Variants in TMIGD3 observed in about 807,000 individuals in gnomAD.
The protein encoded by TMIGD3 is AD026 protein (AD026).
TMIGD3 carries 21 observed loss-of-function variants against 28.1 expected under a neutral mutation model. The ratio of observed to expected loss-of-function variants is 0.75; its 90% CI spans 0.53 to 1.08. The LOEUF (loss-of-function observed/expected upper bound fraction) is 1.08. TMIGD3 is among the 50% of genes least tolerant of loss of function. The probability of loss-of-function intolerance (pLI) is 0.00; values close to 1 mark genes in which losing one functional copy is unlikely to be tolerated. For missense variants in TMIGD3, 416 were observed against 435.6 expected, an observed-to-expected ratio of 0.96 and a Z score of 0.40; for synonymous variants, 151 against 162.1, an observed-to-expected ratio of 0.93 and a Z score of 0.52.
chr1:111,506,712 A>G (rs1655501849), upstream of TMIGD3, among the ~76,000 whole-genome samples: 1 of 152,050 alleles, frequency 6.6e-6, no homozygotes, highest in African/African-American at 2.4e-5. Flanking sequence ...CACCAAGACT[A>G]TGGGCACAAA....
rs200820814 is a variant in TMIGD3 at position 111,483,753 on chromosome 1, G to C, written c.978C>G (p.Gly326=). The change falls in exon 6 of 6, where the codon GGC becomes GGG. Residue 326 remains glycine, a synonymous_variant. Coordinates refer to ENST00000369716, the MANE Select transcript of TMIGD3 (RefSeq NM_020683.7). ...RRRSQRNRRV[G]NTLKPFSRVL... The stretch of plus-strand genomic sequence containing the variant: ...CACGCGAGAAGGGCTTCAAAGTGTT[G>C]CCTACTTTGTTGGGGAATAGAAAGG... 3.0e-5 allele frequency: 48 copies of C among 1,613,614 alleles called. No homozygotes were observed. The South Asian group carries it at 4.6e-4, about 16-fold the overall frequency.
chr1:111,490,796 T>C (rs769286359), intron 1 of TMIGD3, 34 bp from the exon 2 acceptor site: 84 of 1,518,456 alleles, frequency 5.5e-5, no homozygotes, highest in African/African-American at 6.9e-5. Flanking sequence ...TTGAGCTTAA[T>C]ATGGCTTTAT....
upstream of TMIGD3, among the ~76,000 whole-genome samples, chr1:111,507,813 G>A (rs537624268): frequency 9.2e-5 from 14 of 152,334 alleles, no homozygotes; most frequent in African/African-American, 3.1e-4. Context: ...TTTGCTAGCC[G>A]ACAGCTGAGG....
chr1:111,516,433 T>C (rs367569195), intron 1 of TMIGD3, among the ~76,000 whole-genome samples: 138 of 152,282 alleles, frequency 9.1e-4, no homozygotes, highest in African/African-American at 3.2e-3. Flanking sequence ...AGCAAACCAC[T>C]GCCAAGACCC....
At chr1:111,535,044 A>G (rs1395472623) in intron 1 of TMIGD3, among the ~76,000 whole-genome samples, 1 of 152,248 alleles carries the variant, frequency 6.6e-6, no homozygotes, top group Non-Finnish European at 1.5e-5. Context: ...GCCTAGTTCA[A>G]CTACCTATCA....
At chr1:111,562,549 G>A (rs1657781444) in intron 1 of TMIGD3, among the ~76,000 whole-genome samples, 1 of 152,216 alleles carries the variant, frequency 6.6e-6, no homozygotes, top group Non-Finnish European at 1.5e-5. Context: ...AGTGGAAAAT[G>A]TCCTAGAAAA....
intron 1 of TMIGD3, among the ~76,000 whole-genome samples, chr1:111,561,533 G>A (rs1362284429): frequency 6.6e-6 from 1 of 152,060 alleles, no homozygotes; most frequent in African/African-American, 2.4e-5. Flanking sequence ...GAAGGGAGGA[G>A]GAAATACAGA....
At chr1:111,521,585 C>G (rs1656061784) in intron 1 of TMIGD3, among the ~76,000 whole-genome samples, 1 of 152,130 alleles carries the variant, frequency 6.6e-6, no homozygotes, top group Non-Finnish European at 1.5e-5. Flanking sequence ...GGTGAAGTAA[C>G]TATTAAATTT....
Position 111,489,032 on chromosome 1 carries a change from A to AACAC in TMIGD3, c.458-12_458-9dup, listed in dbSNP as rs10602160. On this transcript the variant is annotated splice_polypyrimidine_tract_variant and intron_variant, in intron 2 of 5. Transcript: ENST00000369716. ...CATCCATGACCATGGCATCTGTGAA[A>AACAC]ACACACACACACACGCACACGTGCA... The AACAC allele has an allele frequency of 2.5e-6, 4 of 1,596,206 alleles. No homozygotes were observed. In the East Asian group the frequency reaches 9.0e-5, roughly 36 times the overall value.
intron 1 of TMIGD3, among the ~76,000 whole-genome samples, chr1:111,512,346 T>A (rs1557830183): frequency 3.3e-5 from 5 of 152,242 alleles, no homozygotes; most frequent in Non-Finnish European, 5.9e-5. Flanking sequence ...TCACTGGGCA[T>A]CAGGCCCGCC....
chr1:111,546,995 A>C (rs1464711866), intron 1 of TMIGD3, among the ~76,000 whole-genome samples: 6 of 152,258 alleles, frequency 3.9e-5, no homozygotes, highest in African/African-American at 1.4e-4. Context: ...TGTAAAGTGG[A>C]ACAATGCCCA....
intron 1 of TMIGD3, among the ~76,000 whole-genome samples, chr1:111,560,858 C>T (rs13376212): frequency 6.6e-6 from 1 of 152,046 alleles, no homozygotes; most frequent in East Asian, 1.9e-4. Flanking sequence ...TCTCCATCCT[C>T]CCAAATCCTT....
At chr1:111,522,418 T>C (rs914616765) in intron 1 of TMIGD3, among the ~76,000 whole-genome samples, 2 of 152,208 alleles carry the variant, frequency 1.3e-5, no homozygotes, top group Non-Finnish European at 2.9e-5. Flanking sequence ...CTCTCCACTT[T>C]ATTTGTCGTT....
chr1:111,498,233 G>A (rs912451064), intron 1 of TMIGD3, among the ~76,000 whole-genome samples: 2 of 152,194 alleles, frequency 1.3e-5, no homozygotes, highest in Non-Finnish European at 2.9e-5. Flanking sequence ...TTTCAGATAC[G>A]CTTACCCACT....
At chr1:111,485,617 A>G (rs1481602314) in intron 5 of TMIGD3, 123 bp downstream of exon 5, 5 of 718,246 alleles carry the variant, frequency 7.0e-6, no homozygotes, top group Admixed American at 5.7e-5. Context: ...GGCTGGCTGC[A>G]TTGGTCTCCA....
At position 111,503,318 on chromosome 1, in the gene TMIGD3, C is replaced by G; in HGVS notation, c.37G>C (p.Val13Leu). ...AAAATTTCCATGGTGATGTAGGTAA[C>G]ATTGGCCAATGACAGAGCAGTGCTG... ...NNSTALSLAN[V>L]TYITMEIFIG... Residue 13 changes from valine to leucine, a missense_variant, in exon 1 of 6, where the codon GTT (valine) becomes CTT (leucine). Physicochemically the swap from Val to Leu is conservative, Grantham distance 32. Coordinates refer to ENST00000369716, the MANE Select transcript of TMIGD3 (RefSeq NM_020683.7). 1.2e-6 allele frequency: 2 copies of G among 1,614,002 alleles called. No homozygotes were observed. Among genetic ancestry groups the G allele is most frequent in the Non-Finnish European group, 1.7e-6 (2 of 1,179,954 alleles).
chr1:111,526,586 C>T (rs1656270040), intron 1 of TMIGD3, among the ~76,000 whole-genome samples: 8 of 152,170 alleles, frequency 5.3e-5, no homozygotes. Context: ...CTAAAACACT[C>T]TCCCATGAGA....
At chr1:111,543,346 A>G (rs960153371) in intron 1 of TMIGD3, among the ~76,000 whole-genome samples, 2 of 152,074 alleles carry the variant, frequency 1.3e-5, no homozygotes, top group Non-Finnish European at 2.9e-5. Flanking sequence ...GACAAATTTT[A>G]TTTCCAGGGA....
chr1:111,555,112 T>C (rs1342312323), intron 1 of TMIGD3, among the ~76,000 whole-genome samples: 2 of 152,098 alleles, frequency 1.3e-5, no homozygotes, highest in African/African-American at 2.4e-5. Flanking sequence ...ACACCTGTAA[T>C]TCCAACACTC....
Sources: allele counts gnomAD v4.1 joint callset (sites outside exome capture counted in the v4.1 genomes callset), GRCh38; gene constraint gnomAD v4.1.1; transcripts MANE v1.5; gene names NCBI Gene and HGNC (gene_info 2026-07-23, HGNC 2026-07-21).